The following VSX1 variants were observed in gnomAD, a reference collection of about 807,000 sequenced individuals.
VSX1 encodes visual system homeobox 1.
A neutral mutation model predicts 23.6 loss-of-function variants in VSX1; 23 were observed. The observed-to-expected ratio is 0.97, with a 90% CI of 0.70 to 1.38. The LOEUF (loss-of-function observed/expected upper bound fraction) is 1.38, where lower values mean the gene tolerates loss of function less well. Ranked by LOEUF, VSX1 falls within the 40% of genes most tolerant of loss-of-function variation. VSX1 has a pLI of 0.00. For missense variants in VSX1, 517 were observed against 495.4 expected, an observed-to-expected ratio of 1.04 and a Z score of -0.41; for synonymous variants, 247 against 215.1, an observed-to-expected ratio of 1.15 and a Z score of -1.30.
intron 3 of VSX1, chr20:25,078,398 G>T: frequency 4.5e-6 from 2 of 444,484 alleles, no homozygotes; most frequent in Non-Finnish European, 6.6e-6. Context: ...AAAATTCTAT[G>T]TATGCATGTG....
downstream of VSX1, among the ~76,000 whole-genome samples, chr20:25,074,335 T>G (rs1318676029): frequency 6.6e-6 from 1 of 152,208 alleles, no homozygotes; most frequent in Non-Finnish European, 1.5e-5. Flanking sequence ...TATGTACATA[T>G]AAACACGTGT....
downstream of VSX1, chr20:25,071,511 G>A (rs1435146170): frequency 8.8e-6 from 4 of 455,108 alleles, no homozygotes; most frequent in African/African-American, 8.0e-5. Context: ...AGGCATTTTG[G>A]GTTGAGGAAG....
chr20:25,074,709 A>G (rs1371928361), downstream of VSX1, among the ~76,000 whole-genome samples: 2 of 152,136 alleles, frequency 1.3e-5, no homozygotes, highest in Non-Finnish European at 2.9e-5. Flanking sequence ...AGTGTGATGT[A>G]TGTAAGTTGC....
chr20:25,076,198 T>A lies in VSX1; in HGVS notation c.*63A>T. On this transcript the variant is annotated 3_prime_UTR_variant, in exon 5 of 5. Coordinates refer to ENST00000376709, the MANE Select transcript of VSX1 (RefSeq NM_014588.6). ...GTATATGTCTTGGACAATTTTTGTCTTTTGGAAAATGCCAGTGAGGAATAT... is the reference window on the plus strand; with the variant it reads ...GTATATGTCTTGGACAATTTTTGTCATTTGGAAAATGCCAGTGAGGAATAT... The A allele has an allele frequency of 6.2e-7, 1 of 1,610,328 alleles. No individual in the cohort carries two copies. The highest frequency in any genetic ancestry group is 1.7e-5 in the Admixed American group (1 of 60,014).
downstream of VSX1, among the ~76,000 whole-genome samples, chr20:25,072,998 T>G (rs2089411426): frequency 6.6e-6 from 1 of 152,176 alleles, no homozygotes; most frequent in Non-Finnish European, 1.5e-5. Flanking sequence ...CTGCTGTCAG[T>G]CTGTAGCCAG....
Position 25,076,096 on chromosome 20 carries a change from A to T in VSX1, c.*165T>A. 3 of 899,352 alleles carry T rather than the reference A, an allele frequency of 3.3e-6. No individual in the cohort carries two copies. Among genetic ancestry groups the T allele is most frequent in the Non-Finnish European group, 5.1e-6 (3 of 590,192 alleles). The allele number at this position is 899,352 out of a possible 1,614,324, so 55.7% of individuals were successfully genotyped here. On this transcript the variant is annotated 3_prime_UTR_variant, in exon 5 of 5. Transcript: ENST00000376709. ...TCTAGAATGAAATAGAATTTTCCCT[A>T]GGTCACTCATCTGTCCTCTTAAAGC... is the stretch of plus-strand genomic sequence containing the variant.
intron 1 of VSX1, among the ~76,000 whole-genome samples, chr20:25,080,327 C>G (rs1227412152): frequency 6.6e-6 from 1 of 152,146 alleles, no homozygotes; most frequent in Non-Finnish European, 1.5e-5. Flanking sequence ...AGAAACCTGG[C>G]TTGGATTAAA....
At chr20:25,072,915 G>T (rs1291983186), downstream of VSX1, among the ~76,000 whole-genome samples, 2 of 152,092 alleles carry the variant, frequency 1.3e-5, no homozygotes, top group East Asian at 3.8e-4. Flanking sequence ...GTAATTTTTT[G>T]AAATCTCCTT....
intron 2 of VSX1, 47 bp downstream of exon 2, chr20:25,079,389 C>A: frequency 6.4e-7 from 1 of 1,562,592 alleles, no homozygotes; most frequent in East Asian, 2.3e-5. Context: ...AAACCTTGGG[C>A]TGTGTCCCGA....
chr20:25,080,609 A>G (rs1018684482), intron 1 of VSX1, among the ~76,000 whole-genome samples: 1 of 152,234 alleles, frequency 6.6e-6, no homozygotes, highest in Non-Finnish European at 1.5e-5. Context: ...ATGAAATCAC[A>G]TTTCATTTTT....
rs937667727 is a variant in VSX1, at chr20:25,082,082, G to A, written c.15C>T (p.Asp5=). MTGR[D]SLSDGRTSSR... ...TGCTAGTGCGCCCGTCGGAAAGCGA[G>A]TCCCGGCCGGTCATGGTTCCTTAGC... is the stretch of plus-strand genomic sequence containing the variant. The change falls in exon 1 of 5, where the codon GAC becomes GAT. Residue 5 remains aspartate, a synonymous_variant. Coordinates refer to ENST00000376709, the MANE Select transcript of VSX1 (RefSeq NM_014588.6). The A allele has an allele frequency of 2.0e-6, 3 of 1,537,806 alleles. No homozygotes were observed. Among genetic ancestry groups the A allele is most frequent in the African/African-American group, 2.7e-5 (2 of 73,416 alleles).
Position 25,076,097 on chromosome 20 carries a change from GGTCACTCATCT to G in VSX1, c.*153_*163del. The G allele has an allele frequency of 1.1e-6, 1 of 916,034 alleles. No homozygotes were observed. The highest frequency in any genetic ancestry group is 1.6e-5 in the South Asian group (1 of 61,552). The allele number at this position is 916,034 out of a possible 1,614,324, so 56.7% of individuals were successfully genotyped here. A position where few individuals can be genotyped will look rare whatever the true frequency, so the allele number is the denominator to read the frequency against. On this transcript the variant is annotated 3_prime_UTR_variant, in exon 5 of 5. Coordinates refer to ENST00000376709, the MANE Select transcript of VSX1 (RefSeq NM_014588.6). ...CTAGAATGAAATAGAATTTTCCCTAGGTCACTCATCTGTCCTCTTAAAGCAAGTGGCATTGC... is the reference window on the plus strand; with the variant it reads ...CTAGAATGAAATAGAATTTTCCCTAGGTCCTCTTAAAGCAAGTGGCATTGC...
At position 25,082,006 on chromosome 20, in the gene VSX1, A is replaced by T; in HGVS notation, c.91T>A (p.Phe31Ile). 1 of 1,534,534 alleles carries T rather than the reference A, an allele frequency of 6.5e-7. No homozygotes were observed. The highest frequency in any genetic ancestry group is 8.7e-7 in the Non-Finnish European group (1 of 1,146,746). Residue 31 changes from phenylalanine to isoleucine, a missense_variant, in exon 1 of 5, where the codon TTC becomes ATC. Transcript: ENST00000376709. The part of the protein sequence containing the change: ...GSPRGSRPRG[F>I]AITDLLGLEA... ...AAGCCCAGCAGGTCCGTGATGGCGAAGCCCCGGGGGCGCGAGCCCCTAGGG... is the reference window on the plus strand; with the variant it reads ...AAGCCCAGCAGGTCCGTGATGGCGATGCCCCGGGGGCGCGAGCCCCTAGGG...
chr20:25,072,632 A>G, downstream of VSX1: 1 of 471,192 alleles, frequency 2.1e-6, no homozygotes, highest in Non-Finnish European at 4.4e-6. Flanking sequence ...CTGCAGCCCA[A>G]TGTCTCACCC....
downstream of VSX1, chr20:25,071,379 G>A (rs2089374179): frequency 8.8e-6 from 4 of 453,878 alleles, no homozygotes; most frequent in Non-Finnish European, 1.8e-5. Context: ...GACTGAGGTG[G>A]GAGGATCACT....
chr20:25,072,077 G>C, downstream of VSX1: 3 of 607,814 alleles, frequency 4.9e-6, no homozygotes, highest in Non-Finnish European at 9.0e-6. Flanking sequence ...TAGAAAGAGA[G>C]AGGGAAAGGT....
intron 1 of VSX1, 32 bp from the exon 2 acceptor site, chr20:25,079,546 A>C (rs190642590): frequency 4.8e-5 from 77 of 1,590,804 alleles, no homozygotes; most frequent in Non-Finnish European, 6.4e-5. Context: ...GAGGACTTTA[A>C]GGGTGATCAT....
Position 25,081,693 on chromosome 20 carries a change from C to T in VSX1, c.404G>A (p.Ser135Asn), listed in dbSNP as rs1323928324. 6 of 1,513,050 alleles carry T rather than the reference C, an allele frequency of 4.0e-6. No homozygotes were observed. The highest frequency in any genetic ancestry group is 5.3e-6 in the Non-Finnish European group (6 of 1,137,864). The allele number at this position is 1,513,050 out of a possible 1,614,324, so 93.7% of individuals were successfully genotyped here. The change falls in exon 1 of 5, where the codon AGC (serine) becomes AAC (asparagine). Residue 135 changes from serine to asparagine, a missense_variant. Coordinates refer to ENST00000376709, the MANE Select transcript of VSX1 (RefSeq NM_014588.6). ...PPPALGRQKR[S>N]DSVSTSDEDS... is the part of the protein sequence containing the mutation. ...ATTACCGGACGTGGAGACGCTGTCG[C>T]TGCGCTTCTGGCGGCCGAGCGCAGG...
At chr20:25,072,596 C>T (rs1208634960), downstream of VSX1, 1 of 471,190 alleles carries the variant, frequency 2.1e-6, no homozygotes, top group South Asian at 1.5e-5. Flanking sequence ...ATTTGACAAT[C>T]GGCTTAGCAG....
Sources: gnomAD v4.1 joint callset for allele counts (sites outside exome capture counted in the v4.1 genomes callset) on GRCh38, gnomAD v4.1.1 for gene constraint, MANE v1.5 for transcripts, NCBI Gene and HGNC (gene_info 2026-07-23, HGNC 2026-07-21) for gene names.